Variants in DNAJC6 observed in about 807,000 individuals in gnomAD.
DNAJC6 encodes the protein auxilin.
DNAJC6 carries 34 observed loss-of-function variants against 110.0 expected under a neutral mutation model. The ratio of observed to expected loss-of-function variants is 0.31; its 90% CI spans 0.24 to 0.41. The LOEUF is 0.41. DNAJC6 is among the 10% of genes least tolerant of loss of function. DNAJC6 has a pLI of 1.00. For synonymous variants in DNAJC6, 406 were observed against 437.2 expected, an observed-to-expected ratio of 0.93 and a Z score of 0.89; for missense variants, 1,031 against 1,207.8, an observed-to-expected ratio of 0.85 and a Z score of 2.17.
intron 1 of DNAJC6, among the ~76,000 whole-genome samples, chr1:65,283,770 A>G (rs1653925278): frequency 6.6e-6 from 1 of 152,242 alleles, no homozygotes; most frequent in South Asian, 2.1e-4. Flanking sequence ...AATTCCAACC[A>G]TTATTGTATG....
At chr1:65,372,146 G>GGTGTGTGT (rs59816601) in intron 4 of DNAJC6, among the ~76,000 whole-genome samples, 67 of 141,078 alleles carry the variant, frequency 4.7e-4, no homozygotes, top group Middle Eastern at 3.6e-3. Flanking sequence ...TGACATTTGG[G>GGTGTGTGT]GTGTGTGTGT....
chr1:65,333,324 T>G (rs1414834132), intron 1 of DNAJC6, among the ~76,000 whole-genome samples: 1 of 152,168 alleles, frequency 6.6e-6, no homozygotes, highest in Non-Finnish European at 1.5e-5. Flanking sequence ...AGAACCGAAG[T>G]ACTGAGAGGA....
intron 1 of DNAJC6, among the ~76,000 whole-genome samples, chr1:65,267,681 C>G (rs1050876342): frequency 3.3e-5 from 5 of 151,124 alleles, no homozygotes; most frequent in Admixed American, 2.6e-4. Context: ...TATATACAGA[C>G]AGAGAGAGAG....
chr1:65,340,641 A>G (rs1645380377), intron 1 of DNAJC6, among the ~76,000 whole-genome samples: 1 of 152,294 alleles, frequency 6.6e-6, no homozygotes, highest in South Asian at 2.1e-4. Context: ...GGGCATGATA[A>G]TATCCACCAC....
chr1:65,374,421 A>G (rs1645739749), intron 4 of DNAJC6, among the ~76,000 whole-genome samples: 1 of 152,082 alleles, frequency 6.6e-6, no homozygotes. Flanking sequence ...AGCATGGAAT[A>G]CCTTTCCTTT....
intron 4 of DNAJC6, among the ~76,000 whole-genome samples, chr1:65,377,706 C>G (rs1176950090): frequency 6.6e-6 from 1 of 152,124 alleles, no homozygotes; most frequent in African/African-American, 2.4e-5. Context: ...AATGTGTTTG[C>G]TTTTAGACGT....
chr1:65,407,827 G>A (rs533219471), intron 16 of DNAJC6, among the ~76,000 whole-genome samples: 79 of 152,346 alleles, frequency 5.2e-4, no homozygotes, highest in Non-Finnish European at 7.2e-4. Context: ...ATGTCTTACA[G>A]TATAGAGATA....
chr1:65,373,172 A>T lies in DNAJC6; in HGVS notation c.544-6230A>T, dbSNP rs117284224. On this transcript the variant is annotated intron_variant, in intron 4 of 18. Coordinates refer to ENST00000371069, the MANE Select transcript of DNAJC6 (RefSeq NM_001256864.2). Reference sequence around the variant, plus strand: ...TTTTATGTGAATAATATTTCATTGTATATGTATACCACATTTTATTTATTC... The same window carrying T: ...TTTTATGTGAATAATATTTCATTGTTTATGTATACCACATTTTATTTATTC... Among the ~76,000 whole-genome samples the T allele has an allele frequency of 3.3e-3, 497 of 152,288 alleles. 15 individuals are homozygous for T. The East Asian group carries it at 0.078, about 24-fold the overall frequency.
chr1:65,411,629 A>G lies in DNAJC6; in HGVS notation c.2811+203A>G, dbSNP rs183744158. Among the ~76,000 whole-genome samples, 409 of 152,288 alleles carry G rather than the reference A, an allele frequency of 2.7e-3. 1 individual carries two copies. The highest frequency in any genetic ancestry group is 9.5e-3 in the African/African-American group (394 of 41,540). The stretch of plus-strand genomic sequence containing the variant: ...ATCAAACTATATATTACAGGGGCTT[A>G]TTTAGAGAGAGTAAGATTTACCCAG... On this transcript the variant is annotated intron_variant, in intron 18 of 18. Transcript: ENST00000371069.
At chr1:65,334,620 C>A (rs992457217) in intron 1 of DNAJC6, among the ~76,000 whole-genome samples, 1 of 152,130 alleles carries the variant, frequency 6.6e-6, no homozygotes, top group Non-Finnish European at 1.5e-5. Context: ...CAACATGCCT[C>A]ATCCCTCTGG....
At chr1:65,318,837 C>A (rs1267466617) in intron 1 of DNAJC6, among the ~76,000 whole-genome samples, 4 of 151,754 alleles carry the variant, frequency 2.6e-5, no homozygotes, top group Non-Finnish European at 5.9e-5. Flanking sequence ...ACATGCTGCA[C>A]ATGTACACCA....
At chr1:65,293,149 A>G (rs1457190558) in intron 1 of DNAJC6, among the ~76,000 whole-genome samples, 1 of 152,230 alleles carries the variant, frequency 6.6e-6, no homozygotes, top group Non-Finnish European at 1.5e-5. Context: ...AGCATAAACA[A>G]CACACACTTA....
At chr1:65,313,380 A>C (rs1269778924) in intron 1 of DNAJC6, among the ~76,000 whole-genome samples, 1 of 152,116 alleles carries the variant, frequency 6.6e-6, no homozygotes, top group Non-Finnish European at 1.5e-5. Flanking sequence ...CCATTTATAA[A>C]AGTGGAATCA....
intron 16 of DNAJC6, among the ~76,000 whole-genome samples, chr1:65,407,537 A>T (rs1297001208): frequency 4.6e-5 from 7 of 152,180 alleles, no homozygotes; most frequent in Non-Finnish European, 1.0e-4. Context: ...GCTAGAACAC[A>T]GGTGCTCACA....
intron 1 of DNAJC6, among the ~76,000 whole-genome samples, chr1:65,336,437 A>T (rs1645337698): frequency 6.6e-6 from 1 of 152,198 alleles, no homozygotes; most frequent in African/African-American, 2.4e-5. Context: ...ATTGTACATG[A>T]TATATGTAGT....
At chr1:65,283,854 GTGTGTAGTGATACAT>G (rs1272781307) in intron 1 of DNAJC6, among the ~76,000 whole-genome samples, 3 of 152,108 alleles carry the variant, frequency 2.0e-5, no homozygotes, top group African/African-American at 7.2e-5. Context: ...TTTGTGGTGG[GTGTGTAGTGATACAT>G]TGACTTTTTG....
chr1:65,329,909 G>A (rs536623670), intron 1 of DNAJC6, among the ~76,000 whole-genome samples: 2 of 152,232 alleles, frequency 1.3e-5, no homozygotes, highest in Admixed American at 1.3e-4. Flanking sequence ...GTATCTAGGT[G>A]GCTTGTAGTT....
chr1:65,310,061 G>A (rs1645084300), intron 1 of DNAJC6, 123 bp downstream of exon 1: 1 of 1,196,464 alleles, frequency 8.4e-7, no homozygotes. Flanking sequence ...CGGGCTGGAG[G>A]CGAAGGCTTC....
intron 14 of DNAJC6, among the ~76,000 whole-genome samples, chr1:65,400,970 T>A (rs747443066): frequency 4.6e-5 from 7 of 152,220 alleles, no homozygotes; most frequent in Non-Finnish European, 7.3e-5. Context: ...TTTCTCTACA[T>A]CCTTGCCAAC....
Sources: allele counts gnomAD v4.1 joint callset (sites outside exome capture counted in the v4.1 genomes callset), GRCh38; gene constraint gnomAD v4.1.1; transcripts MANE v1.5; gene names NCBI Gene and HGNC (gene_info 2026-07-23, HGNC 2026-07-21).